The following SBNO1 variants were observed in gnomAD, a reference collection of about 807,000 sequenced individuals.
The protein encoded by SBNO1 is protein strawberry notch homolog 1.
SBNO1 carries 23 observed loss-of-function variants against 173.6 expected under a neutral mutation model. The observed-to-expected ratio is 0.13, with a 90% confidence interval of 0.10 to 0.19. The LOEUF is 0.19. Among genes scored for constraint, SBNO1 ranks in the 10% least tolerant of loss-of-function variants. The probability of loss-of-function intolerance (pLI) is 1.00; values close to 1 mark genes in which losing one functional copy is unlikely to be tolerated. For synonymous variants in SBNO1, 632 were observed against 571.5 expected (o/e 1.11, Z -1.51); for missense variants, 1,238 against 1,671.2 (o/e 0.74, Z 4.52).
intron 1 of SBNO1, among the ~76,000 whole-genome samples, chr12:123,352,514 A>T (rs1303114284): frequency 1.3e-5 from 2 of 151,870 alleles, no homozygotes; most frequent in Non-Finnish European, 2.9e-5. Context: ...CTGGTCTCGA[A>T]CTCCTGACCT....
intron 17 of SBNO1, 141 bp from the exon 18 acceptor site, chr12:123,321,007 T>G: frequency 1.6e-6 from 1 of 630,780 alleles, no homozygotes; most frequent in South Asian, 2.2e-5. Flanking sequence ...TGGCGCAATC[T>G]CAGCTTACTG....
intron 1 of SBNO1, 167 bp downstream of exon 1, chr12:123,364,534 C>A (rs1875884000): frequency 3.1e-6 from 3 of 983,448 alleles, no homozygotes; most frequent in Non-Finnish European, 3.6e-6. Flanking sequence ...CCCCGAGGGC[C>A]CCGGAGCGCG....
At chr12:123,297,934 C>T (rs750947013) in intron 31 of SBNO1, 44 bp downstream of exon 31, 5 of 1,583,992 alleles carry the variant, frequency 3.2e-6, no homozygotes, top group African/African-American at 1.4e-5. Context: ...AAGTCGGATC[C>T]GATTTTTTCC....
chr12:123,336,710 A>T (rs1222194932), intron 5 of SBNO1, among the ~76,000 whole-genome samples: 2 of 152,096 alleles, frequency 1.3e-5, no homozygotes, highest in Non-Finnish European at 2.9e-5. Context: ...CTTACCCACA[A>T]ATGGGTCACA....
intron 1 of SBNO1, among the ~76,000 whole-genome samples, chr12:123,353,652 A>T (rs975709420): frequency 6.6e-6 from 1 of 152,176 alleles, no homozygotes; most frequent in Admixed American, 6.5e-5. Flanking sequence ...GACACATTTG[A>T]CCATACTTTT....
chr12:123,311,182 G>A (rs1868450631), intron 24 of SBNO1, 53 bp from the exon 25 acceptor site: 6 of 1,281,486 alleles, frequency 4.7e-6, no homozygotes, highest in Non-Finnish European at 6.8e-6. Context: ...TGTCTACAAT[G>A]TACCACTAAG....
At chr12:123,302,243 T>G (rs2048813955) in intron 30 of SBNO1, among the ~76,000 whole-genome samples, 1 of 135,726 alleles carries the variant, frequency 7.4e-6, no homozygotes, top group Admixed American at 7.6e-5. Flanking sequence ...TTATTGTTTT[T>G]TTTTTTGTTT....
chr12:123,296,814 C>G (rs887362280), intron 31 of SBNO1, among the ~76,000 whole-genome samples: 1 of 151,806 alleles, frequency 6.6e-6, no homozygotes, highest in Non-Finnish European at 1.5e-5. Flanking sequence ...CTGCCTCGGC[C>G]TCCCAAAGTG....
intron 9 of SBNO1, among the ~76,000 whole-genome samples, chr12:123,329,329 C>T (rs1870920759): frequency 6.7e-6 from 1 of 150,304 alleles, no homozygotes; most frequent in African/African-American, 2.4e-5. Flanking sequence ...TGCAGTGAGC[C>T]GAGATTGTGC....
At chr12:123,327,662 T>C in intron 12 of SBNO1, 45 bp downstream of exon 12, 2 of 1,579,890 alleles carry the variant, frequency 1.3e-6, no homozygotes, top group Non-Finnish European at 1.7e-6. Flanking sequence ...ATAACACACT[T>C]CTTAGATTGC....
chr12:123,360,852 C>T (rs1033901201), intron 1 of SBNO1, among the ~76,000 whole-genome samples: 1 of 152,140 alleles, frequency 6.6e-6, no homozygotes, highest in East Asian at 1.9e-4. Flanking sequence ...GTGGCTCACA[C>T]GTGTAATCCC....
At chr12:123,312,297 C>T (rs2138930254) in intron 24 of SBNO1, among the ~76,000 whole-genome samples, 1 of 152,232 alleles carries the variant, frequency 6.6e-6, no homozygotes, top group African/African-American at 2.4e-5. Flanking sequence ...AGGGTTAAGA[C>T]TTTACTGCTT....
At chr12:123,352,051 C>T (rs1873938578) in intron 1 of SBNO1, among the ~76,000 whole-genome samples, 1 of 151,588 alleles carries the variant, frequency 6.6e-6, no homozygotes, top group Non-Finnish European at 1.5e-5. Flanking sequence ...ATCTCAGGGG[C>T]CAAACTATTC....
chr12:123,300,364 A>C (rs2048746269), intron 30 of SBNO1, among the ~76,000 whole-genome samples: 1 of 152,200 alleles, frequency 6.6e-6, no homozygotes, highest in African/African-American at 2.4e-5. Flanking sequence ...GAAATGTTTT[A>C]GAAAATGTTT....
chr12:123,362,526 G>C (rs1347807636), intron 1 of SBNO1, among the ~76,000 whole-genome samples: 3 of 150,064 alleles, frequency 2.0e-5, no homozygotes, highest in Non-Finnish European at 4.4e-5. Context: ...AGCACTCCGG[G>C]AGACAGAGGT....
intron 20 of SBNO1, among the ~76,000 whole-genome samples, chr12:123,318,756 A>T (rs908514564): frequency 6.8e-6 from 1 of 146,272 alleles, no homozygotes; most frequent in Non-Finnish European, 1.5e-5. Flanking sequence ...AAAAAAAAAG[A>T]GTCTCTGGAG....
At chr12:123,343,334 C>A (rs1354300911) in intron 4 of SBNO1, among the ~76,000 whole-genome samples, 1 of 152,110 alleles carries the variant, frequency 6.6e-6, no homozygotes, top group Non-Finnish European at 1.5e-5. Context: ...TGTGAAAGAG[C>A]CAGTGATCAG....
At chr12:123,350,089 C>T (rs903700530) in intron 2 of SBNO1, among the ~76,000 whole-genome samples, 6 of 151,820 alleles carry the variant, frequency 4.0e-5, no homozygotes, top group Admixed American at 3.9e-4. Flanking sequence ...CCTGTCTCTA[C>T]AAAAAAGACA....
intron 1 of SBNO1, among the ~76,000 whole-genome samples, chr12:123,357,950 A>G (rs976623347): frequency 6.6e-6 from 1 of 152,156 alleles, no homozygotes; most frequent in African/African-American, 2.4e-5. Context: ...AGTTGGGGGG[A>G]ATTAAACAAC....
Sources: gnomAD v4.1 joint callset for allele counts (sites outside exome capture counted in the v4.1 genomes callset) on GRCh38, gnomAD v4.1.1 for gene constraint, MANE v1.5 for transcripts, NCBI Gene and HGNC (gene_info 2026-07-23, HGNC 2026-07-21) for gene names.